Variants in NTM observed in about 807,000 individuals in gnomAD.
The protein encoded by NTM is IgLON family member 2.
In NTM, 13 loss-of-function variants were observed where a neutral mutation model predicts 42.1. The ratio of observed to expected loss-of-function variants is 0.31; its 90% CI spans 0.20 to 0.49. The LOEUF (loss-of-function observed/expected upper bound fraction) is 0.49, where lower values mean the gene tolerates loss of function less well. Among genes scored for constraint, NTM ranks in the 20% least tolerant of loss-of-function variants. The probability of loss-of-function intolerance (pLI) is 0.99; values close to 1 mark genes in which losing one functional copy is unlikely to be tolerated. For synonymous variants in NTM, 187 were observed against 179.2 expected (o/e 1.04, Z -0.35); for missense variants, 373 against 452.8 (o/e 0.82, Z 1.60).
chr11:131,933,155 G>T (rs1592980050), intron 2 of NTM, among the ~76,000 whole-genome samples: 1 of 152,196 alleles, frequency 6.6e-6, no homozygotes, highest in East Asian at 1.9e-4. Flanking sequence ...GTCACTAAAA[G>T]CTGGCAGTGA....
At chr11:131,979,447 ATGCTT>A (rs2064912714) in intron 2 of NTM, among the ~76,000 whole-genome samples, 1 of 152,232 alleles carries the variant, frequency 6.6e-6, no homozygotes, top group South Asian at 2.1e-4. Flanking sequence ...ATGATTTAAG[ATGCTT>A]TGCTATGTTG....
intron 2 of NTM, among the ~76,000 whole-genome samples, chr11:132,065,455 C>T (rs1005487301): frequency 6.6e-6 from 1 of 152,116 alleles, no homozygotes; most frequent in South Asian, 2.1e-4. Context: ...CACCAGATTC[C>T]ACACTGTCTC....
intron 1 of NTM, chr11:131,663,561 T>C (rs1046252128): frequency 2.6e-5 from 4 of 152,214 alleles, no homozygotes; most frequent in African/African-American, 9.7e-5. Context: ...TTCTCTAGCT[T>C]TGAGGGAGCA....
intron 1 of NTM, among the ~76,000 whole-genome samples, chr11:131,768,742 T>C (rs1239150754): frequency 6.6e-6 from 1 of 152,198 alleles, no homozygotes; most frequent in East Asian, 1.9e-4. Flanking sequence ...TGCTTCGCAA[T>C]GTCTTGATAC....
chr11:131,479,435 G>C (rs768249871), intron 1 of NTM, among the ~76,000 whole-genome samples: 1 of 152,178 alleles, frequency 6.6e-6, no homozygotes, highest in African/African-American at 2.4e-5. Flanking sequence ...GAGCAGATGG[G>C]TTATTTGGGG....
At chr11:132,212,957 A>C (rs1226533141) in intron 4 of NTM, among the ~76,000 whole-genome samples, 2 of 127,362 alleles carry the variant, frequency 1.6e-5, no homozygotes, top group East Asian at 3.9e-4. Context: ...GAGACAGATG[A>C]CAAAAAAAAA....
At chr11:131,994,004 CAAAAAAA>C (rs745908192) in intron 2 of NTM, among the ~76,000 whole-genome samples, 1 of 95,560 alleles carries the variant, frequency 1.0e-5, no homozygotes, top group Non-Finnish European at 2.2e-5. Context: ...ACTCCATCTC[CAAAAAAA>C]AAAAAAAAGA....
At chr11:131,946,454 A>C (rs2060354673) in intron 2 of NTM, among the ~76,000 whole-genome samples, 1 of 152,236 alleles carries the variant, frequency 6.6e-6, no homozygotes, top group Non-Finnish European at 1.5e-5. Context: ...ATAAAAAGAA[A>C]ATGTAAAACA....
At chr11:132,065,258 A>G (rs1204838627) in intron 2 of NTM, among the ~76,000 whole-genome samples, 1 of 152,160 alleles carries the variant, frequency 6.6e-6, no homozygotes, top group Non-Finnish European at 1.5e-5. Context: ...ATCCGTGCAT[A>G]ATTAGGCTGC....
chr11:131,610,129 G>A lies in NTM; in HGVS notation c.82+239241G>A, dbSNP rs548725878. Reference sequence around the variant, plus strand: ...ACTTGCCAATGGCACCAAAACAATCGTTAAACTGTCCAACAACGAGCTGGG... The same window carrying A: ...ACTTGCCAATGGCACCAAAACAATCATTAAACTGTCCAACAACGAGCTGGG... On this transcript the variant is annotated intron_variant, in intron 1 of 8. Transcript: ENST00000683400. 1.4e-4 allele frequency among the ~76,000 whole-genome samples: 21 copies of A among 152,286 alleles called. No individual in the cohort carries two copies. In the South Asian group the frequency reaches 4.1e-3, roughly 30 times the overall value.
At chr11:132,326,549 C>T (rs868168289) in intron 7 of NTM, among the ~76,000 whole-genome samples, 12 of 152,316 alleles carry the variant, frequency 7.9e-5, no homozygotes, top group Middle Eastern at 3.4e-3. Context: ...ACTGATGACT[C>T]TGGTTGGAAG....
intron 1 of NTM, among the ~76,000 whole-genome samples, chr11:131,396,749 G>T (rs1007310019): frequency 1.3e-5 from 2 of 151,990 alleles, no homozygotes; most frequent in African/African-American, 4.8e-5. Flanking sequence ...CAGGAGAATT[G>T]CTTGAACACG....
At chr11:131,676,034 G>A (rs918492798) in intron 1 of NTM, among the ~76,000 whole-genome samples, 10 of 152,114 alleles carry the variant, frequency 6.6e-5, no homozygotes, top group African/African-American at 2.4e-4. Flanking sequence ...AACTTAGCTG[G>A]GTAGGTCCAT....
chr11:131,563,186 C>A (rs2056448655), intron 1 of NTM, among the ~76,000 whole-genome samples: 1 of 152,186 alleles, frequency 6.6e-6, no homozygotes, highest in African/African-American at 2.4e-5. Context: ...CTTCCTAGAC[C>A]TTTGCTTGAA....
intron 1 of NTM, among the ~76,000 whole-genome samples, chr11:131,713,628 C>A (rs1318908870): frequency 6.6e-6 from 1 of 152,134 alleles, no homozygotes; most frequent in African/African-American, 2.4e-5. Context: ...GCAATCATAT[C>A]ATTTTTCCTC....
chr11:132,304,005 G>A (rs1290090466), intron 4 of NTM, among the ~76,000 whole-genome samples: 1 of 152,124 alleles, frequency 6.6e-6, no homozygotes, highest in Non-Finnish European at 1.5e-5. Flanking sequence ...GAAACTAGAG[G>A]GTAGAGAATT....
intron 1 of NTM, among the ~76,000 whole-genome samples, chr11:131,814,529 C>T (rs2092868813): frequency 6.6e-6 from 1 of 152,070 alleles, no homozygotes; most frequent in Non-Finnish European, 1.5e-5. Flanking sequence ...CTCAACTGTA[C>T]TCCCTGCTTA....
chr11:131,409,025 A>G (rs1946102414), intron 1 of NTM, among the ~76,000 whole-genome samples: 2 of 152,240 alleles, frequency 1.3e-5, no homozygotes, highest in Admixed American at 1.3e-4. Flanking sequence ...CAGGGACTGC[A>G]GCAGGCAAGA....
intron 1 of NTM, among the ~76,000 whole-genome samples, chr11:131,805,659 GTTCT>G (rs1160288643): frequency 6.6e-6 from 1 of 152,148 alleles, no homozygotes; most frequent in African/African-American, 2.4e-5. Context: ...GTTAATTCAT[GTTCT>G]TTCTTCTTTA....
Sources: allele counts gnomAD v4.1 joint callset (sites outside exome capture counted in the v4.1 genomes callset), GRCh38; gene constraint gnomAD v4.1.1; transcripts MANE v1.5; gene names NCBI Gene and HGNC (gene_info 2026-07-23, HGNC 2026-07-21).